DTNBP1: variants seen among roughly 807,000 people sequenced by gnomAD.
DTNBP1 encodes dystrobrevin binding protein 1, also known as dysbindin.
DTNBP1 carries 35 observed loss-of-function variants against 42.8 expected under a neutral mutation model. That is an observed-to-expected ratio of 0.82 (90% CI 0.63 to 1.09). The LOEUF (loss-of-function observed/expected upper bound fraction) is 1.09. Among genes scored for constraint, DTNBP1 ranks in the 50% least tolerant of loss-of-function variants. The pLI, the probability that DTNBP1 is intolerant of heterozygous loss-of-function variation, is 0.00. For synonymous variants in DTNBP1, 171 were observed against 162.2 expected (o/e 1.05, Z -0.41); for missense variants, 457 against 424.2 (o/e 1.08, Z -0.68).
At chr6:15,606,699 A>C (rs1758077106) in intron 6 of DTNBP1, among the ~76,000 whole-genome samples, 1 of 152,222 alleles carries the variant, frequency 6.6e-6, no homozygotes, top group Admixed American at 6.5e-5. Flanking sequence ...CAGGGTGTGC[A>C]AACATTGTTA....
chr6:15,580,626 T>C (rs998055854), intron 7 of DTNBP1, among the ~76,000 whole-genome samples: 3 of 152,222 alleles, frequency 2.0e-5, no homozygotes, highest in Non-Finnish European at 4.4e-5. Flanking sequence ...TATGTCTATA[T>C]ATGTGTGTGT....
At position 15,534,790 on chromosome 6, in the gene DTNBP1, T is replaced by A. The variant is rs186689902; in HGVS notation, c.512-1395A>T. Among the ~76,000 whole-genome samples the A allele has an allele frequency of 2.6e-5, 4 of 152,152 alleles. No homozygotes were observed. In the East Asian group the frequency reaches 5.8e-4, roughly 22 times the overall value. The stretch of plus-strand genomic sequence containing the variant: ...ACAACCTAATCAGTTAACCTTCTCA[T>A]CTGAAAATTTGGGATAGAAATATTA... On this transcript the variant is annotated intron_variant, in intron 7 of 9. Coordinates refer to ENST00000344537, the MANE Select transcript of DTNBP1 (RefSeq NM_032122.5).
chr6:15,564,942 C>A (rs1039491940), intron 7 of DTNBP1, among the ~76,000 whole-genome samples: 1 of 152,042 alleles, frequency 6.6e-6, no homozygotes, highest in Non-Finnish European at 1.5e-5. Flanking sequence ...TAGTGAGACA[C>A]CCAAGTAAAC....
At chr6:15,592,605 G>A (rs1415261709) in intron 7 of DTNBP1, among the ~76,000 whole-genome samples, 1 of 152,162 alleles carries the variant, frequency 6.6e-6, no homozygotes, top group Non-Finnish European at 1.5e-5. Context: ...GAGAGAAACT[G>A]TGCCTGAAAA....
At chr6:15,620,214 T>G (rs537837282) in intron 5 of DTNBP1, among the ~76,000 whole-genome samples, 1 of 152,304 alleles carries the variant, frequency 6.6e-6, no homozygotes, top group African/African-American at 2.4e-5. Context: ...AGCTACTATA[T>G]GTGATTATGG....
intron 6 of DTNBP1, among the ~76,000 whole-genome samples, chr6:15,601,046 C>T (rs780890060): frequency 3.3e-5 from 5 of 152,110 alleles, no homozygotes; most frequent in Non-Finnish European, 7.4e-5. Flanking sequence ...TGAACACCAG[C>T]ATTAAAACAT....
In DTNBP1 at chr6:15,627,355, T is replaced by C; in HGVS notation, c.343A>G (p.Thr115Ala). ...ACATTGGACTTACTCAGATTTGCTG[T>C]CATGGATTCTAAGTCTGCGATTAAA... ...PALIADLESM[T>A]ANLTHLEASF... is the part of the protein sequence containing the mutation. Residue 115 changes from threonine to alanine, a missense_variant, in exon 5 of 10, where the codon ACA becomes GCA. Transcript: ENST00000344537. The C allele has an allele frequency of 6.2e-7, 1 of 1,613,674 alleles. No individual in the cohort carries two copies. The highest frequency in any genetic ancestry group is 8.5e-7 in the Non-Finnish European group (1 of 1,179,900).
At chr6:15,606,436 C>G (rs1215393547) in intron 6 of DTNBP1, among the ~76,000 whole-genome samples, 1 of 152,078 alleles carries the variant, frequency 6.6e-6, no homozygotes, top group African/African-American at 2.4e-5. Context: ...GTGGTGGGAG[C>G]CTTGGACTGA....
At chr6:15,633,156 T>C (rs1759789901) in intron 4 of DTNBP1, among the ~76,000 whole-genome samples, 2 of 152,242 alleles carry the variant, frequency 1.3e-5, no homozygotes, top group Non-Finnish European at 2.9e-5. Flanking sequence ...GCCAAGTTAC[T>C]GCACACAAGC....
chr6:15,556,183 C>CT (rs112833362), intron 7 of DTNBP1, among the ~76,000 whole-genome samples: 1,780 of 140,022 alleles, frequency 0.013, 25 homozygotes, highest in African/African-American at 0.036. Flanking sequence ...GTTAAAAAAT[C>CT]TTTTTTTTTT....
At chr6:15,532,230 C>T (rs966326220) in intron 8 of DTNBP1, among the ~76,000 whole-genome samples, 1 of 152,184 alleles carries the variant, frequency 6.6e-6, no homozygotes, top group Non-Finnish European at 1.5e-5. Context: ...TGTAAGCTGC[C>T]CAGTGCCGCT....
intron 4 of DTNBP1, among the ~76,000 whole-genome samples, chr6:15,631,246 T>G (rs1759678202): frequency 6.6e-6 from 1 of 152,146 alleles, no homozygotes; most frequent in South Asian, 2.1e-4. Context: ...TAAAATAAAC[T>G]TTCATTTTTA....
intron 6 of DTNBP1, among the ~76,000 whole-genome samples, chr6:15,610,993 CA>C (rs1758362135): frequency 6.6e-6 from 1 of 152,332 alleles, no homozygotes; most frequent in South Asian, 2.1e-4. Flanking sequence ...TGCTAAACAG[CA>C]GATTGTCAAC....
intron 6 of DTNBP1, among the ~76,000 whole-genome samples, chr6:15,609,039 A>T (rs1041735683): frequency 1.3e-5 from 2 of 151,290 alleles, no homozygotes; most frequent in African/African-American, 4.9e-5. Flanking sequence ...TATTTCTGAA[A>T]CTCCTAGTAC....
intron 7 of DTNBP1, chr6:15,585,678 G>A (rs1204882238): frequency 1.3e-6 from 2 of 1,530,384 alleles, no homozygotes; most frequent in Non-Finnish European, 8.8e-7. Context: ...CATTTCAAAG[G>A]AAAGCAGCAA....
chr6:15,561,547 G>T (rs1774842265), intron 7 of DTNBP1, among the ~76,000 whole-genome samples: 1 of 152,160 alleles, frequency 6.6e-6, no homozygotes, highest in African/African-American at 2.4e-5. Context: ...CTAATAGTTG[G>T]GCGGGAATAT....
chr6:15,556,281 A>C (rs756102362), intron 7 of DTNBP1, among the ~76,000 whole-genome samples: 18 of 151,612 alleles, frequency 1.2e-4, no homozygotes, highest in Non-Finnish European at 1.9e-4. Flanking sequence ...TCCTAGGTTC[A>C]AGAGATTCTC....
chr6:15,617,699 A>G (rs550543031), intron 5 of DTNBP1, among the ~76,000 whole-genome samples: 1 of 152,282 alleles, frequency 6.6e-6, no homozygotes, highest in African/African-American at 2.4e-5. Flanking sequence ...TAGACCCCTA[A>G]CGTTCACCCT....
intron 1 of DTNBP1, among the ~76,000 whole-genome samples, chr6:15,661,343 G>T (rs762611922): frequency 4.6e-4 from 52 of 113,282 alleles, no homozygotes; most frequent in Non-Finnish European, 6.2e-4. Flanking sequence ...AACAGAGCGA[G>T]AACTTGTCAC....
Sources: gnomAD v4.1 joint callset for allele counts (sites outside exome capture counted in the v4.1 genomes callset) on GRCh38, gnomAD v4.1.1 for gene constraint, MANE v1.5 for transcripts, NCBI Gene and HGNC (gene_info 2026-07-23, HGNC 2026-07-21) for gene names.